PITPNC1: variants seen among roughly 807,000 people sequenced by gnomAD.
The protein encoded by PITPNC1 is cytoplasmic phosphatidylinositol transfer protein 1.
PITPNC1 carries 18 observed loss-of-function variants against 44.7 expected under a neutral mutation model. The ratio of observed to expected loss-of-function variants is 0.40; its 90% CI spans 0.28 to 0.60. The LOEUF (loss-of-function observed/expected upper bound fraction) is 0.60. Ranked by LOEUF, PITPNC1 falls within the 20% of genes least tolerant of loss-of-function variation. The probability of loss-of-function intolerance (pLI) is 0.39; values close to 1 mark genes in which losing one functional copy is unlikely to be tolerated. For missense variants in PITPNC1, 290 were observed against 418.4 expected, an observed-to-expected ratio of 0.69 and a Z score of 2.68; for synonymous variants, 141 against 149.6, an observed-to-expected ratio of 0.94 and a Z score of 0.42.
intron 5 of PITPNC1, among the ~76,000 whole-genome samples, chr17:67,625,974 G>GTTTTTT (rs113293503): frequency 7.5e-6 from 1 of 133,546 alleles, no homozygotes. Flanking sequence ...TGGTTTGTTT[G>GTTTTTT]TTGTTTTTTT....
intron 5 of PITPNC1, among the ~76,000 whole-genome samples, chr17:67,615,452 T>C (rs535883579): frequency 6.6e-6 from 1 of 152,258 alleles, no homozygotes; most frequent in Non-Finnish European, 1.5e-5. Flanking sequence ...CCTCCTTGTC[T>C]TTCGATGCCT....
chr17:67,533,162 A>G (rs914244352), intron 2 of PITPNC1, among the ~76,000 whole-genome samples: 2 of 152,198 alleles, frequency 1.3e-5, no homozygotes, highest in African/African-American at 4.8e-5. Context: ...TAGGAGGCCA[A>G]GGTGGGAGGA....
chr17:67,563,993 G>C (rs1017063044), intron 4 of PITPNC1, among the ~76,000 whole-genome samples: 1 of 151,976 alleles, frequency 6.6e-6, no homozygotes, highest in Non-Finnish European at 1.5e-5. Flanking sequence ...GAGATGGATA[G>C]ATAGATTAGC....
chr17:67,478,638 C>G (rs2144022232), intron 1 of PITPNC1, among the ~76,000 whole-genome samples: 1 of 152,210 alleles, frequency 6.6e-6, no homozygotes. Context: ...TTTGAAAAAA[C>G]AAGGGAGGCT....
chr17:67,543,795 A>T (rs1016873747), intron 2 of PITPNC1, among the ~76,000 whole-genome samples: 1 of 152,172 alleles, frequency 6.6e-6, no homozygotes, highest in Non-Finnish European at 1.5e-5. Flanking sequence ...TGGTTGCCTA[A>T]TATATTTGGT....
At chr17:67,490,816 C>T (rs1306361956) in intron 1 of PITPNC1, among the ~76,000 whole-genome samples, 1 of 152,132 alleles carries the variant, frequency 6.6e-6, no homozygotes, top group South Asian at 2.1e-4. Context: ...TCTGTCCCCA[C>T]GAAAATAGTA....
chr17:67,677,095 G>A (rs2144418058), intron 8 of PITPNC1, among the ~76,000 whole-genome samples: 1 of 152,146 alleles, frequency 6.6e-6, no homozygotes, highest in South Asian at 2.1e-4. Flanking sequence ...AATCTTTCTG[G>A]TTGTTTTTTT....
intron 6 of PITPNC1, among the ~76,000 whole-genome samples, chr17:67,649,263 G>T (rs1057027953): frequency 2.0e-5 from 3 of 152,220 alleles, no homozygotes; most frequent in African/African-American, 7.2e-5. Context: ...CCAAAAGCTT[G>T]CAGAGGAACG....
At chr17:67,639,994 T>C (rs2042074653) in intron 6 of PITPNC1, among the ~76,000 whole-genome samples, 1 of 152,220 alleles carries the variant, frequency 6.6e-6, no homozygotes, top group South Asian at 2.1e-4. Flanking sequence ...GGTAAAGATT[T>C]TCCGTTACCT....
chr17:67,687,042 T>G (rs1260452818), intron 8 of PITPNC1: 1 of 1,346,396 alleles, frequency 7.4e-7, no homozygotes, highest in Non-Finnish European at 1.1e-6. Context: ...TAACGGAAGT[T>G]GCCAACATCT....
At chr17:67,563,096 G>A (rs2040926667) in intron 4 of PITPNC1, among the ~76,000 whole-genome samples, 1 of 152,228 alleles carries the variant, frequency 6.6e-6, no homozygotes. Context: ...CATTCTGGAT[G>A]TGAGTCTCCT....
At chr17:67,570,995 A>G (rs1279438245) in intron 4 of PITPNC1, among the ~76,000 whole-genome samples, 1 of 152,132 alleles carries the variant, frequency 6.6e-6, no homozygotes, top group African/African-American at 2.4e-5. Flanking sequence ...CTTCCCTTGC[A>G]CTTGCTTGAA....
intron 5 of PITPNC1, among the ~76,000 whole-genome samples, chr17:67,593,033 G>C (rs941361793): frequency 6.6e-6 from 1 of 151,936 alleles, no homozygotes. Flanking sequence ...GAAAGACCCT[G>C]TCTCAAGAAA....
rs73994543 is a variant in PITPNC1 at position 67,394,357 on chromosome 17, A to C, written c.48+16155A>C. On this transcript the variant is annotated intron_variant, in intron 1 of 8. Coordinates refer to ENST00000581322, the MANE Select transcript of PITPNC1 (RefSeq NM_012417.4). ...TTTAACCTTTGTGTTGTAAATGTGT[A>C]ATGTTTTGGTAACAGTAAGGGTTAA... is the stretch of plus-strand genomic sequence containing the variant. Among the ~76,000 whole-genome samples, 1,269 of 152,238 alleles carry C rather than the reference A, an allele frequency of 8.3e-3. 23 individuals carry two copies. Among genetic ancestry groups the C allele is most frequent in the African/African-American group, 0.029 (1,214 of 41,562 alleles).
In PITPNC1 at chr17:67,497,253, T is replaced by TCCTAACAAAATTCA. The variant is rs1471318769; in HGVS notation, c.49-35548_49-35547insCTAACAAAATTCAC. Among the ~76,000 whole-genome samples the TCCTAACAAAATTCA allele has an allele frequency of 1.4e-4, 21 of 151,780 alleles. No individual in the cohort carries two copies. In the South Asian group the frequency reaches 3.7e-3, roughly 27 times the overall value. ...TTTTTTTTTTGAGACGGCGTCTCAT[T>TCCTAACAAAATTCA]CAGTCGCCCAGGCTGGAGTGCAATG... On this transcript the variant is annotated intron_variant, in intron 1 of 8. Coordinates refer to ENST00000581322, the MANE Select transcript of PITPNC1 (RefSeq NM_012417.4).
intron 6 of PITPNC1, among the ~76,000 whole-genome samples, 183 bp from the exon 7 acceptor site, chr17:67,669,325 A>G (rs936577602): frequency 4.6e-5 from 7 of 152,200 alleles, no homozygotes; most frequent in African/African-American, 1.4e-4. Flanking sequence ...CATGTTGGTC[A>G]GGCTGGTCTT....
At chr17:67,462,208 T>C (rs1284032994) in intron 1 of PITPNC1, among the ~76,000 whole-genome samples, 1 of 148,572 alleles carries the variant, frequency 6.7e-6, no homozygotes, top group African/African-American at 2.5e-5. Flanking sequence ...TTCTTTTCTT[T>C]TTCTCTTTCT....
intron 5 of PITPNC1, among the ~76,000 whole-genome samples, chr17:67,620,732 G>A (rs975394926): frequency 1.3e-5 from 2 of 152,190 alleles, no homozygotes; most frequent in Non-Finnish European, 1.5e-5. Context: ...AAGACGATCC[G>A]GCCTAACCCT....
At chr17:67,609,500 G>A (rs2041660001) in intron 5 of PITPNC1, among the ~76,000 whole-genome samples, 1 of 152,002 alleles carries the variant, frequency 6.6e-6, no homozygotes, top group Non-Finnish European at 1.5e-5. Context: ...ATGTTGGCCA[G>A]GCTGGTCTCG....
Sources: gnomAD v4.1 joint callset for allele counts (sites outside exome capture counted in the v4.1 genomes callset) on GRCh38, gnomAD v4.1.1 for gene constraint, MANE v1.5 for transcripts, NCBI Gene and HGNC (gene_info 2026-07-23, HGNC 2026-07-21) for gene names.